ATP11C: variants seen among roughly 807,000 people sequenced by gnomAD.
ATP11C encodes phospholipid-transporting ATPase IG.
In ATP11C, 36 loss-of-function variants were observed where a neutral mutation model predicts 97.4. The observed-to-expected ratio is 0.37, with a 90% CI of 0.28 to 0.49. The LOEUF (loss-of-function observed/expected upper bound fraction) is 0.49. ATP11C is among the 20% of genes least tolerant of loss of function. The pLI is 0.98. For synonymous variants in ATP11C, 275 were observed against 290.9 expected (o/e 0.95, Z 0.56); for missense variants, 730 against 824.6 (o/e 0.89, Z 1.40).
chrX:139,865,829 T>C (rs2084273423), intron 1 of ATP11C, among the ~76,000 whole-genome samples: 1 of 111,466 alleles, frequency 9.0e-6, no homozygotes, highest in Non-Finnish European at 1.9e-5. Context: ...TAAATTCCAT[T>C]TAAACATTTA....
chrX:139,767,465 C>G (rs1027928016), intron 20 of ATP11C, among the ~76,000 whole-genome samples: 13 of 111,406 alleles, frequency 1.2e-4, no homozygotes, highest in Middle Eastern at 4.6e-3. Flanking sequence ...GCACTGGTAA[C>G]AAGAACAATA....
At chrX:139,738,143 T>C in intron 27 of ATP11C, 74 bp from the exon 28 acceptor site, 8 of 891,496 alleles carry the variant, frequency 9.0e-6, no homozygotes, top group Non-Finnish European at 1.2e-5. Context: ...TTAATTAAAA[T>C]GTCGTTTGTA....
chrX:139,883,835 C>G (rs1467629572), intron 1 of ATP11C, among the ~76,000 whole-genome samples: 1 of 111,652 alleles, frequency 9.0e-6, no homozygotes, highest in African/African-American at 3.3e-5. Flanking sequence ...CAAAGACATC[C>G]TGGACTTCTG....
intron 1 of ATP11C, among the ~76,000 whole-genome samples, chrX:139,862,541 G>A (rs1410607639): frequency 8.9e-6 from 1 of 112,006 alleles, no homozygotes; most frequent in African/African-American, 3.2e-5. Flanking sequence ...CCCACATTTT[G>A]TCACGGAAGT....
At chrX:139,870,239 T>G (rs1035402432) in intron 1 of ATP11C, among the ~76,000 whole-genome samples, 6 of 112,171 alleles carry the variant, frequency 5.3e-5, no homozygotes, top group Non-Finnish European at 1.1e-4. Flanking sequence ...TAAAAATTTT[T>G]TAAAAGAGTA....
Position 139,743,559 on chromosome X carries a change from C to T in ATP11C, c.3030G>A (p.Lys1010=). The change falls in exon 26 of 30, where the codon AAG becomes AAA. Residue 1010 remains lysine, a splice_region_variant and synonymous_variant. Coordinates refer to ENST00000682941, the MANE Select transcript of ATP11C (RefSeq NM_001353812.2). The part of the protein sequence containing the change: ...FTVLVFTVTL[K]LALDTRFWTW... ...ATACATGAATAAGTAAAAATCTAAC[C>T]TTCAGGGTTACAGTGAATACTAAGA... is the stretch of plus-strand genomic sequence containing the variant. The T allele has an allele frequency of 8.7e-7, 1 of 1,150,257 alleles. No individual in the cohort carries two copies. The highest frequency in any genetic ancestry group is 3.0e-5 in the East Asian group (1 of 33,014). The allele number at this position is 1,150,257 out of a possible 1,213,427, so 94.8% of individuals were successfully genotyped here.
rs746253909 is a variant in ATP11C, at chrX:139,800,055, C to G, written c.710+5G>C. 5.4e-6 allele frequency: 5 copies of G among 927,184 alleles called. No homozygotes were observed. The highest frequency in any genetic ancestry group is 7.1e-6 in the Non-Finnish European group (5 of 700,757). 76.4% of individuals were successfully genotyped at this position (927,184 alleles called of 1,213,427 possible). ...AAGGACAAATTAAAGAAACAGCAAA[C>G]TTACCTGGCAACAGCCTCAAGACTA... On this transcript the variant is annotated splice_donor_5th_base_variant and intron_variant, in intron 8 of 29. Transcript: ENST00000682941.
intron 12 of ATP11C, among the ~76,000 whole-genome samples, chrX:139,790,011 T>C (rs191724376): frequency 1.2e-4 from 13 of 107,948 alleles, no homozygotes; most frequent in Admixed American, 5.0e-4. Flanking sequence ...ACCTGGGTGA[T>C]AGAGTGAGAC....
intron 18 of ATP11C, among the ~76,000 whole-genome samples, chrX:139,778,110 A>G (rs1354852759): frequency 9.0e-6 from 1 of 111,321 alleles, no homozygotes; most frequent in Admixed American, 9.5e-5. Flanking sequence ...TCCCACCTCA[A>G]CCTTTCAAAG....
At chrX:139,897,672 AAAAAAAAAAAAAG>A (rs1234590443) in intron 1 of ATP11C, among the ~76,000 whole-genome samples, 2 of 105,195 alleles carry the variant, frequency 1.9e-5, no homozygotes, top group Non-Finnish European at 2.0e-5. Context: ...CTCTGTCTCA[AAAAAAAAAAAAAG>A]AAAAAAGAAA....
intron 1 of ATP11C, among the ~76,000 whole-genome samples, chrX:139,907,102 C>T (rs1049465329): frequency 9.0e-6 from 1 of 111,502 alleles, no homozygotes; most frequent in Non-Finnish European, 1.9e-5. Context: ...TCATTCTCTG[C>T]TTTATCTTTC....
At chrX:139,936,285 G>A (rs1429337018), upstream of ATP11C, among the ~76,000 whole-genome samples, 1 of 111,145 alleles carries the variant, frequency 9.0e-6, no homozygotes, top group East Asian at 2.8e-4. Flanking sequence ...GTTTTTTTAA[G>A]ACAAGAAAAA....
At chrX:139,903,079 A>T (rs1207839267) in intron 1 of ATP11C, among the ~76,000 whole-genome samples, 1 of 111,894 alleles carries the variant, frequency 8.9e-6, no homozygotes, top group East Asian at 2.8e-4. Flanking sequence ...AGAAACCCAC[A>T]AACAGGAGTG....
rs909238824 is a variant in ATP11C at position 139,726,366 on chromosome X, A to C, written c.*2600T>G. On this transcript the variant is annotated 3_prime_UTR_variant, in exon 30 of 30. Coordinates refer to ENST00000682941, the MANE Select transcript of ATP11C (RefSeq NM_001353812.2). ...TGATATATCAATCATATCATACCAA[A>C]GTTTATTGATTACATCAAACAAAAA... 2 of 112,435 alleles carry C rather than the reference A, an allele frequency of 1.8e-5. No individual in the cohort carries two copies. The highest frequency in any genetic ancestry group is 6.5e-5 in the African/African-American group (2 of 30,949). 9.3% of individuals were successfully genotyped at this position (112,435 alleles called of 1,213,427 possible).
Position 139,798,988 on chromosome X carries a change from TG to T in ATP11C, c.711-246del, listed in dbSNP as rs1327159814. Among the ~76,000 whole-genome samples the T allele has an allele frequency of 6.1e-3, 666 of 108,865 alleles. 2 individuals are homozygous for T. The highest frequency in any genetic ancestry group is 0.02 in the African/African-American group (609 of 29,860). The allele number at this position is 108,865 out of a possible 115,157, so 94.5% of individuals were successfully genotyped here. A position where few individuals can be genotyped will look rare whatever the true frequency, so the allele number is the denominator to read the frequency against. On this transcript the variant is annotated intron_variant, in intron 8 of 29. Coordinates refer to ENST00000682941, the MANE Select transcript of ATP11C (RefSeq NM_001353812.2). ...AACACACATAGGCAAAAAAAATACA[TG>T]GGGGGGGATAAAAGGATTATGAATC...
intron 1 of ATP11C, among the ~76,000 whole-genome samples, chrX:139,842,227 T>C (rs749980828): frequency 1.8e-5 from 2 of 111,886 alleles, no homozygotes; most frequent in Non-Finnish European, 3.8e-5. Context: ...AGAGGCAGGG[T>C]TTCACCGTGT....
chrX:139,767,582 G>A (rs757089695), intron 20 of ATP11C, among the ~76,000 whole-genome samples: 2 of 111,745 alleles, frequency 1.8e-5, no homozygotes, highest in South Asian at 3.8e-4. Context: ...TAGCACACAG[G>A]TAGAAATAGA....
intron 1 of ATP11C, among the ~76,000 whole-genome samples, chrX:139,830,137 AT>A (rs772832836): frequency 8.9e-6 from 1 of 112,124 alleles, no homozygotes; most frequent in African/African-American, 3.2e-5. Context: ...GCAAACTTAT[AT>A]TTATGAGTTA....
rs1229146591 is a variant in ATP11C at position 139,738,787 on chromosome X, CAG to C, written c.3135-720_3135-719del. On this transcript the variant is annotated intron_variant, in intron 27 of 29. Coordinates refer to ENST00000682941, the MANE Select transcript of ATP11C (RefSeq NM_001353812.2). ...CTTCCCTTCTGTCTGAGCTGAACCA[CAG>C]AGAGCCTCAGTAGGTGAAGCTATTG... Among the ~76,000 whole-genome samples the C allele has an allele frequency of 2.7e-5, 3 of 110,376 alleles. No individual in the cohort carries two copies. The East Asian group carries it at 8.6e-4, about 32-fold the overall frequency.
Sources: allele counts gnomAD v4.1 joint callset (sites outside exome capture counted in the v4.1 genomes callset), GRCh38; gene constraint gnomAD v4.1.1; transcripts MANE v1.5; gene names NCBI Gene and HGNC (gene_info 2026-07-23, HGNC 2026-07-21).